LGMN: variants seen among roughly 807,000 people sequenced by gnomAD.
The protein encoded by LGMN is asparaginyl endopeptidase.
In LGMN, 36 loss-of-function variants were observed where a neutral mutation model predicts 56.8. The ratio of observed to expected loss-of-function variants is 0.63; its 90% confidence interval spans 0.49 to 0.84. The LOEUF is 0.84. Among genes scored for constraint, LGMN ranks in the 40% least tolerant of loss-of-function variants. The pLI is 0.00. For synonymous variants in LGMN, 199 were observed against 210.1 expected, an observed-to-expected ratio of 0.95 and a Z score of 0.46; for missense variants, 446 against 556.1, an observed-to-expected ratio of 0.80 and a Z score of 1.99.
At chr14:92,733,392 G>T (rs931051474) in intron 1 of LGMN, among the ~76,000 whole-genome samples, 1 of 151,966 alleles carries the variant, frequency 6.6e-6, no homozygotes, top group Non-Finnish European at 1.5e-5. Context: ...AGGGCTCTGG[G>T]CACTTTTTAA....
At chr14:92,725,868 C>G (rs796151041) in intron 2 of LGMN, among the ~76,000 whole-genome samples, 22 of 152,196 alleles carry the variant, frequency 1.4e-4, no homozygotes, top group African/African-American at 4.3e-4. Flanking sequence ...AGCCACCACA[C>G]CTGGCCACGG....
chr14:92,745,907 C>T (rs1030729716), intron 1 of LGMN, among the ~76,000 whole-genome samples: 4 of 152,028 alleles, frequency 2.6e-5, no homozygotes. Flanking sequence ...CTGCAACCTC[C>T]GGCTCCCTGG....
intron 2 of LGMN, among the ~76,000 whole-genome samples, chr14:92,724,993 G>A (rs764296994): frequency 2.6e-5 from 4 of 152,032 alleles, no homozygotes; most frequent in Admixed American, 6.6e-5. Context: ...AGTGTGCCTC[G>A]CTGAGCCCAC....
At chr14:92,729,819 G>C (rs1268379645) in intron 2 of LGMN, among the ~76,000 whole-genome samples, 1 of 152,220 alleles carries the variant, frequency 6.6e-6, no homozygotes. Flanking sequence ...TTGGCAGGGA[G>C]GGCTGAGGCA....
chr14:92,704,277 G>A lies in LGMN; in HGVS notation c.*42C>T. The stretch of plus-strand genomic sequence containing the variant: ...CCAGTCTCTGATCAGCACACAGTCG[G>A]TGGGGCGCTCACACTTGGAAAAGCT... On this transcript the variant is annotated 3_prime_UTR_variant, in exon 14 of 14. Coordinates refer to ENST00000334869, the MANE Select transcript of LGMN (RefSeq NM_005606.7). The A allele has an allele frequency of 6.2e-7, 1 of 1,613,912 alleles. No individual in the cohort carries two copies. Among genetic ancestry groups the A allele is most frequent in the African/African-American group, 1.3e-5 (1 of 75,026 alleles).
In LGMN at chr14:92,731,939, C is replaced by T. The variant is rs75297119; in HGVS notation, c.138+710G>A. On this transcript the variant is annotated intron_variant, in intron 2 of 13. Transcript: ENST00000334869. ...GAGGCTGGACTTTTCATGGACACTC[C>T]GATGTGGCTTCTTTTCTTCTTCTCT... Among the ~76,000 whole-genome samples, 1,679 of 152,312 alleles carry T rather than the reference C, an allele frequency of 0.011. 100 individuals carry two copies. In the East Asian group the frequency reaches 0.18, roughly 17 times the overall value.
At chr14:92,736,520 C>T (rs191336972) in intron 1 of LGMN, among the ~76,000 whole-genome samples, 21 of 152,194 alleles carry the variant, frequency 1.4e-4, no homozygotes, top group African/African-American at 4.1e-4. Flanking sequence ...CACTTGAACC[C>T]GGGAGGCAGA....
At chr14:92,744,598 T>G (rs1216407342) in intron 1 of LGMN, among the ~76,000 whole-genome samples, 1 of 150,706 alleles carries the variant, frequency 6.6e-6, no homozygotes, top group Non-Finnish European at 1.5e-5. Flanking sequence ...CCTTTAGTTT[T>G]TTTTTTTTTT....
intron 1 of LGMN, among the ~76,000 whole-genome samples, chr14:92,740,378 C>T (rs371672035): frequency 6.6e-6 from 1 of 152,212 alleles, no homozygotes; most frequent in Admixed American, 6.5e-5. Context: ...ACACCATCCT[C>T]ACAACAGTTC....
In LGMN at chr14:92,712,851, G is replaced by C. The variant is rs868321184; in HGVS notation, c.564C>G (p.Ala188=). 1 of 1,613,874 alleles carries C rather than the reference G, an allele frequency of 6.2e-7. No individual in the cohort carries two copies. The highest frequency in any genetic ancestry group is 1.3e-5 in the African/African-American group (1 of 74,930). Residue 188 remains alanine, a synonymous_variant, in exon 8 of 14, where the codon GCC becomes GCG. Coordinates refer to ENST00000334869, the MANE Select transcript of LGMN (RefSeq NM_005606.7). The part of the protein sequence containing the change: ...MYRKMVFYIE[A]CESGSMMNHL... ...GGTTCATCATGGACCCAGACTCACAGGCTTCAATGTAGAACACCATCTGTG... is the reference window on the plus strand; with the variant it reads ...GGTTCATCATGGACCCAGACTCACACGCTTCAATGTAGAACACCATCTGTG...
Position 92,714,499 on chromosome 14 carries a change from C to T in LGMN, c.405-48G>A. 7.4e-7 allele frequency: 1 copy of T among 1,345,574 alleles called. No individual in the cohort carries two copies. The highest frequency in any genetic ancestry group is 1.1e-6 in the Non-Finnish European group (1 of 949,326). The allele number at this position is 1,345,574 out of a possible 1,614,324, so 83.4% of individuals were successfully genotyped here. On this transcript the variant is annotated intron_variant, in intron 5 of 13. Transcript: ENST00000334869. This position sits in a 1 kb window ranked among gnomAD's most constrained non-coding sequence, Gnocchi z 5.1. ...CAATCATTTCCTTTTTCTGTTTTTA[C>T]TTCTATTTCTCTGAAAAGCTGCCCT...
chr14:92,719,350 A>ATCACTG lies in LGMN; in HGVS notation c.139-507_139-506insCAGTGA, dbSNP rs1566924802. Among the ~76,000 whole-genome samples the ATCACTG allele has an allele frequency of 7.2e-5, 9 of 124,248 alleles. 2 individuals are homozygous for ATCACTG. Among genetic ancestry groups the ATCACTG allele is most frequent in the African/African-American group, 3.0e-4 (9 of 30,252 alleles). The allele number at this position is 124,248 out of a possible 152,430, so 81.5% of individuals were successfully genotyped here. A position where few individuals can be genotyped will look rare whatever the true frequency, so the allele number is the denominator to read the frequency against. On this transcript the variant is annotated intron_variant, in intron 2 of 13. Coordinates refer to ENST00000334869, the MANE Select transcript of LGMN (RefSeq NM_005606.7). The stretch of plus-strand genomic sequence containing the variant: ...CACCGCCACCGCCATCACCGCCACC[A>ATCACTG]CCACCAACACCACCACCACCACCAA...
intron 1 of LGMN, among the ~76,000 whole-genome samples, chr14:92,746,627 C>A (rs148676044): frequency 6.6e-6 from 1 of 152,316 alleles, no homozygotes; most frequent in Non-Finnish European, 1.5e-5. Context: ...TACAGAGTAT[C>A]TGAGATACAG....
At chr14:92,711,393 G>A (rs923708718) in intron 10 of LGMN, among the ~76,000 whole-genome samples, 6 of 152,164 alleles carry the variant, frequency 3.9e-5, no homozygotes, top group African/African-American at 1.2e-4. Context: ...TACCTTGTAC[G>A]CTTGGGTTTC....
At chr14:92,720,513 C>T (rs747832034) in intron 2 of LGMN, among the ~76,000 whole-genome samples, 3 of 152,104 alleles carry the variant, frequency 2.0e-5, no homozygotes, top group Non-Finnish European at 2.9e-5. Flanking sequence ...ACTAAAAATA[C>T]AAAATTAGCC....
Position 92,709,671 on chromosome 14 carries a change from C to A in LGMN, c.1020+1G>T. On this transcript the variant is annotated splice_donor_variant, in intron 11 of 13. Coordinates refer to ENST00000334869, the MANE Select transcript of LGMN (RefSeq NM_005606.7). LOFTEE classifies it high-confidence loss of function. ...GCACAGCTCCTTTCACCACTACTCA[C>A]ATCCAGATGCCGCTGGATCTCCTCC... 6.2e-7 allele frequency: 1 copy of A among 1,612,290 alleles called. No individual in the cohort carries two copies. Among genetic ancestry groups the A allele is most frequent in the Non-Finnish European group, 8.5e-7 (1 of 1,179,248 alleles).
chr14:92,715,220 T>C (rs1339730860), intron 5 of LGMN, among the ~76,000 whole-genome samples: 4 of 150,242 alleles, frequency 2.7e-5, no homozygotes, highest in Admixed American at 2.7e-4. Flanking sequence ...GGTGGGTGTG[T>C]GTGTGTGTGT....
chr14:92,739,158 G>T (rs985310292), intron 1 of LGMN, among the ~76,000 whole-genome samples: 1 of 152,050 alleles, frequency 6.6e-6, no homozygotes, highest in Non-Finnish European at 1.5e-5. Context: ...ATGCCTCAAA[G>T]TAGCTACCTT....
At chr14:92,735,837 C>A (rs1264269404) in intron 1 of LGMN, among the ~76,000 whole-genome samples, 1 of 151,400 alleles carries the variant, frequency 6.6e-6, no homozygotes, top group Non-Finnish European at 1.5e-5. Context: ...GCTAGTATGG[C>A]ACATAACAGA....
Sources: gnomAD v4.1 joint callset for allele counts (sites outside exome capture counted in the v4.1 genomes callset) on GRCh38, gnomAD v4.1.1 for gene constraint, Gnocchi (gnomAD v3.1) non-coding constraint, MANE v1.5 for transcripts, NCBI Gene and HGNC (gene_info 2026-07-23, HGNC 2026-07-21) for gene names.